The following SH3KBP1 variants were observed in gnomAD, a reference collection of about 807,000 sequenced individuals.
SH3KBP1 encodes SH3 domain-containing kinase-binding protein 1.
Under a neutral mutation model 50.1 loss-of-function variants are expected in SH3KBP1, and 8 were observed. The observed-to-expected ratio is 0.16, with a 90% confidence interval of 0.09 to 0.29. The LOEUF is 0.29. Ranked by LOEUF, SH3KBP1 falls within the 10% of genes least tolerant of loss-of-function variation. The pLI is 1.00. For synonymous variants in SH3KBP1, 227 were observed against 218.6 expected, an observed-to-expected ratio of 1.04 and a Z score of -0.34; for missense variants, 377 against 535.2, an observed-to-expected ratio of 0.70 and a Z score of 2.92.
intron 5 of SH3KBP1, 125 bp downstream of exon 5, chrX:19,695,487 A>C: frequency 1.1e-6 from 1 of 880,792 alleles, no homozygotes; most frequent in South Asian, 2.4e-5. Context: ...AGGCAGTATA[A>C]CCAAAAAAAT....
At chrX:19,606,487 G>A (rs1198003675) in intron 9 of SH3KBP1, among the ~76,000 whole-genome samples, 1 of 112,566 alleles carries the variant, frequency 8.9e-6, no homozygotes, top group African/African-American at 3.2e-5. Flanking sequence ...TATTGCTACA[G>A]TCATCAGTAA....
At chrX:19,749,706 A>T (rs2065011363) in intron 2 of SH3KBP1, among the ~76,000 whole-genome samples, 2 of 112,817 alleles carry the variant, frequency 1.8e-5, no homozygotes, top group Non-Finnish European at 3.7e-5. Context: ...GGGTTCTCTC[A>T]GGAGTAGTGA....
intron 12 of SH3KBP1, among the ~76,000 whole-genome samples, chrX:19,574,838 T>C (rs750546165): frequency 8.9e-6 from 1 of 112,461 alleles, no homozygotes; most frequent in African/African-American, 3.2e-5. Context: ...TCTCAAAATT[T>C]ATATGTTGAA....
At chrX:19,541,379 A>AC (rs935535889) in intron 16 of SH3KBP1, among the ~76,000 whole-genome samples, 2 of 111,033 alleles carry the variant, frequency 1.8e-5, no homozygotes, top group Admixed American at 9.6e-5. Context: ...AGGAAGAAAG[A>AC]CCCCCACTGC....
intron 13 of SH3KBP1, among the ~76,000 whole-genome samples, chrX:19,559,542 G>T (rs2065607000): frequency 9.2e-6 from 1 of 108,778 alleles, no homozygotes; most frequent in African/African-American, 3.4e-5. Context: ...TATTGGCCAG[G>T]CTAGTCTCAA....
chrX:19,609,851 C>T (rs146410727), intron 8 of SH3KBP1, among the ~76,000 whole-genome samples: 112 of 112,142 alleles, frequency 1.0e-3, no homozygotes, highest in African/African-American at 3.6e-3. Context: ...GAGAGTTCTG[C>T]GATCTCCTCC....
chrX:19,746,405 T>G lies in SH3KBP1; in HGVS notation c.199A>C (p.Asn67His). 8.3e-7 allele frequency: 1 copy of G among 1,205,101 alleles called. No homozygotes were observed. Among genetic ancestry groups the G allele is most frequent in the Non-Finnish European group, 1.1e-6 (1 of 892,334 alleles). The stretch of plus-strand genomic sequence containing the variant: ...TGCAGGGGCTTTTCTGGAGCTTTGT[T>G]GGTGAGAGGGTCTTTCTTCATCTCT... Reference protein sequence around the residue: ...KKEMKKDPLTNKAPEKPLHEV... With the variant: ...KKEMKKDPLTHKAPEKPLHEV... The change falls in exon 3 of 18, where the codon AAC (asparagine) becomes CAC (histidine). Residue 67 changes from asparagine (N) to histidine (H), a missense_variant. By Grantham distance (68) the Asn-to-His change is moderately conservative. Coordinates refer to ENST00000397821, the MANE Select transcript of SH3KBP1 (RefSeq NM_031892.3).
chrX:19,886,999 C>T (rs1039980210), intron 1 of SH3KBP1, among the ~76,000 whole-genome samples: 2 of 111,040 alleles, frequency 1.8e-5, no homozygotes, highest in African/African-American at 6.6e-5. Context: ...CAAGACAAAA[C>T]TCTCCCCGCC....
chrX:19,788,268 C>G (rs1181632547), intron 2 of SH3KBP1, among the ~76,000 whole-genome samples: 1 of 67,902 alleles, frequency 1.5e-5, no homozygotes, highest in East Asian at 3.6e-4. Flanking sequence ...GATTCTATCT[C>G]CAAAAAAAAA....
intron 6 of SH3KBP1, among the ~76,000 whole-genome samples, chrX:19,653,812 A>T (rs919265530): frequency 6.9e-4 from 69 of 99,670 alleles, no homozygotes; most frequent in Admixed American, 2.1e-4. Context: ...ACACACACAC[A>T]CAGCTTCTTA....
chrX:19,823,225 C>A (rs771410372), intron 2 of SH3KBP1, among the ~76,000 whole-genome samples: 1 of 111,618 alleles, frequency 9.0e-6, no homozygotes, highest in African/African-American at 3.3e-5. Flanking sequence ...CATGGGTTAT[C>A]TAAAACGACA....
At chrX:19,679,693 C>T (rs1363179605) in intron 6 of SH3KBP1, among the ~76,000 whole-genome samples, 1 of 111,565 alleles carries the variant, frequency 9.0e-6, no homozygotes, top group Non-Finnish European at 1.9e-5. Context: ...CATGTATACA[C>T]CATCCAGTTT....
intron 12 of SH3KBP1, among the ~76,000 whole-genome samples, chrX:19,579,451 T>G (rs895566963): frequency 1.8e-5 from 2 of 112,097 alleles, no homozygotes; most frequent in Non-Finnish European, 3.8e-5. Context: ...TGAGAAAAGT[T>G]TGCAGGGTGC....
intron 6 of SH3KBP1, among the ~76,000 whole-genome samples, chrX:19,667,812 ATTTTTTTTTTT>A (rs779927127): frequency 3.6e-5 from 2 of 55,848 alleles, no homozygotes; most frequent in African/African-American, 8.7e-5. Flanking sequence ...TTCTGTTGGG[ATTTTTTTTTTT>A]TTTTTTTTTT....
At chrX:19,580,258 T>A (rs1465429823) in intron 12 of SH3KBP1, among the ~76,000 whole-genome samples, 4 of 111,766 alleles carry the variant, frequency 3.6e-5, no homozygotes, top group African/African-American at 1.3e-4. Flanking sequence ...AACAAATGAA[T>A]CATACATACA....
chrX:19,741,183 C>G (rs2064757242), intron 3 of SH3KBP1, among the ~76,000 whole-genome samples: 1 of 112,324 alleles, frequency 8.9e-6, no homozygotes, highest in Non-Finnish European at 1.9e-5. Context: ...GGATTAAACA[C>G]ACCAGAAATG....
chrX:19,773,843 G>A (rs1169259783), intron 2 of SH3KBP1, among the ~76,000 whole-genome samples: 1 of 79,510 alleles, frequency 1.3e-5, no homozygotes, highest in East Asian at 4.5e-4. Context: ...GCGACAGAGC[G>A]AGACTCCGGC....
chrX:19,607,287 T>C (rs951708970), intron 9 of SH3KBP1, among the ~76,000 whole-genome samples: 2 of 112,457 alleles, frequency 1.8e-5, no homozygotes, highest in Admixed American at 9.4e-5. Context: ...TCCTCCCTTA[T>C]ACTGGAAAGT....
intron 7 of SH3KBP1, among the ~76,000 whole-genome samples, chrX:19,632,839 AC>A (rs1231058361): frequency 3.6e-5 from 4 of 112,330 alleles, no homozygotes; most frequent in African/African-American, 1.3e-4. Flanking sequence ...CAGAAGGTGG[AC>A]AGAAAAATTC....
Sources: allele counts gnomAD v4.1 joint callset (sites outside exome capture counted in the v4.1 genomes callset), GRCh38; gene constraint gnomAD v4.1.1; transcripts MANE v1.5; gene names NCBI Gene and HGNC (gene_info 2026-07-23, HGNC 2026-07-21).